WDR36: variants seen among roughly 807,000 people sequenced by gnomAD.
WDR36 encodes WD repeat-containing protein 36.
In WDR36, 63 loss-of-function variants were observed where a neutral mutation model predicts 112.7. That is an observed-to-expected ratio of 0.56 (90% CI 0.46 to 0.69). The LOEUF (loss-of-function observed/expected upper bound fraction) is 0.69, where lower values mean the gene tolerates loss of function less well. Among genes scored for constraint, WDR36 ranks in the 30% least tolerant of loss-of-function variants. WDR36 has a pLI of 0.00. For missense variants in WDR36, 1,226 were observed against 1,070.3 expected (o/e 1.15, Z -2.03); for synonymous variants, 410 against 362.2 (o/e 1.13, Z -1.50).
chr5:111,106,047 C>A lies in WDR36; in HGVS notation c.1094-10C>A. The A allele has an allele frequency of 7.5e-6, 12 of 1,598,250 alleles. No homozygotes were observed. Among genetic ancestry groups the A allele is most frequent in the Non-Finnish European group, 1.0e-5 (12 of 1,166,662 alleles). ...ATAGCTATGTATGTTCCCCTTTCCC[C>A]CATCCTTAGGATTAATAAATAAAAA... On this transcript the variant is annotated splice_polypyrimidine_tract_variant and intron_variant, in intron 10 of 22. Transcript: ENST00000513710.
At chr5:111,111,012 C>T (rs1428093280) in intron 14 of WDR36, 59 bp downstream of exon 14, 1 of 1,593,162 alleles carries the variant, frequency 6.3e-7, no homozygotes, top group African/African-American at 1.3e-5. Context: ...GTCATAAAGT[C>T]ACAATTTACC....
chr5:111,108,338 A>G (rs1473983698), intron 12 of WDR36, among the ~76,000 whole-genome samples: 1 of 151,222 alleles, frequency 6.6e-6, no homozygotes, highest in South Asian at 2.1e-4. Flanking sequence ...TTGATCTCAT[A>G]TCTTGCAACC....
At chr5:111,105,415 C>A in intron 10 of WDR36, 55 bp downstream of exon 10, 4 of 1,500,310 alleles carry the variant, frequency 2.7e-6, no homozygotes, top group Non-Finnish European at 3.7e-6. Context: ...TTTCAACATT[C>A]TATGAAACAA....
intron 17 of WDR36, among the ~76,000 whole-genome samples, chr5:111,119,718 A>G (rs1054366201): frequency 1.3e-5 from 2 of 152,132 alleles, no homozygotes; most frequent in African/African-American, 4.8e-5. Context: ...GATTTTTTAT[A>G]AAAGAATTAA....
intron 15 of WDR36, 41 bp downstream of exon 15, chr5:111,111,319 CT>C (rs755494826): frequency 6.5e-7 from 1 of 1,536,494 alleles, no homozygotes; most frequent in Non-Finnish European, 9.0e-7. Context: ...CTCATTTCTA[CT>C]TTTGTTTGGG....
chr5:111,113,648 G>C (rs1441591598), intron 16 of WDR36, among the ~76,000 whole-genome samples: 1 of 151,988 alleles, frequency 6.6e-6, no homozygotes, highest in Non-Finnish European at 1.5e-5. Flanking sequence ...ATTGAAACTT[G>C]GTTATTTCTA....
chr5:111,098,705 A>G lies in WDR36; in HGVS notation c.292-17A>G, dbSNP rs1238653471. Reference sequence around the variant, plus strand: ...CTGAGTAATAATATGAAATTCTTTTAAACTTCGATGTTTTAGATAGTACAT... The same window carrying G: ...CTGAGTAATAATATGAAATTCTTTTGAACTTCGATGTTTTAGATAGTACAT... On this transcript the variant is annotated splice_polypyrimidine_tract_variant and intron_variant, in intron 3 of 22. Coordinates refer to ENST00000513710, the MANE Select transcript of WDR36 (RefSeq NM_139281.3). 1 of 1,477,380 alleles carries G rather than the reference A, an allele frequency of 6.8e-7. No homozygotes were observed. The highest frequency in any genetic ancestry group is 9.5e-7 in the Non-Finnish European group (1 of 1,055,764). 91.5% of individuals were successfully genotyped at this position (1,477,380 alleles called of 1,614,324 possible).
intron 19 of WDR36, among the ~76,000 whole-genome samples, chr5:111,122,644 A>G (rs901824626): frequency 1.3e-5 from 2 of 152,096 alleles, no homozygotes; most frequent in African/African-American, 4.8e-5. Flanking sequence ...TGCTTACACT[A>G]CAGTTTGCGG....
chr5:111,094,847 T>G, intron 1 of WDR36, 73 bp from the exon 2 acceptor site: 1 of 1,246,426 alleles, frequency 8.0e-7, no homozygotes, highest in South Asian at 1.3e-5. Flanking sequence ...AGGTTATATC[T>G]TAATCTTCAG....
chr5:111,105,278 T>C lies in WDR36; in HGVS notation c.1028-17T>C, dbSNP rs1180011740. The C allele has an allele frequency of 6.2e-7, 1 of 1,608,232 alleles. No homozygotes were observed. The highest frequency in any genetic ancestry group is 8.5e-7 in the Non-Finnish European group (1 of 1,175,664). The stretch of plus-strand genomic sequence containing the variant: ...TTTAATGAAGCTTGATTAGGGATTT[T>C]CTGTGTATATCAACAGGTCAAGATG... On this transcript the variant is annotated splice_polypyrimidine_tract_variant and intron_variant, in intron 9 of 22. Transcript: ENST00000513710.
rs953060428 is a variant in WDR36 at position 111,092,734 on chromosome 5, C to G, written c.162+116C>G. ...TACCACGGGCTTCCCTTCTTTAACC[C>G]CTCCCTGTCCTATTAATATTTCGCC... On this transcript the variant is annotated intron_variant, in intron 1 of 22. Transcript: ENST00000513710. 11 of 1,209,518 alleles carry G rather than the reference C, an allele frequency of 9.1e-6. No homozygotes were observed. The East Asian group carries it at 2.5e-4, about 28-fold the overall frequency. The allele number at this position is 1,209,518 out of a possible 1,614,324, so 74.9% of individuals were successfully genotyped here. A position where few individuals can be genotyped will look rare whatever the true frequency, so the allele number is the denominator to read the frequency against.
chr5:111,104,050 A>T, intron 7 of WDR36, 127 bp from the exon 8 acceptor site: 1 of 1,388,316 alleles, frequency 7.2e-7, no homozygotes, highest in Non-Finnish European at 9.9e-7. Context: ...AGGCAAAGAA[A>T]TATGAATAGA....
At chr5:111,093,400 A>G (rs1472298251) in intron 1 of WDR36, among the ~76,000 whole-genome samples, 1 of 152,208 alleles carries the variant, frequency 6.6e-6, no homozygotes, top group East Asian at 1.9e-4. Flanking sequence ...GAAAACAGGT[A>G]GAGTTGTCTC....
At chr5:111,106,630 T>A (rs1753226264) in intron 11 of WDR36, among the ~76,000 whole-genome samples, 1 of 151,508 alleles carries the variant, frequency 6.6e-6, no homozygotes, top group South Asian at 2.1e-4. Flanking sequence ...CCATTTCTAT[T>A]TGAAAGTTGT....
At chr5:111,094,680 A>G (rs1356481491) in intron 1 of WDR36, among the ~76,000 whole-genome samples, 2 of 152,180 alleles carry the variant, frequency 1.3e-5, no homozygotes, top group African/African-American at 2.4e-5. Flanking sequence ...CAAAGCCTAA[A>G]ATATTTAATA....
At chr5:111,097,055 C>G (rs1285028092) in intron 2 of WDR36, 24 bp from the exon 3 acceptor site, 1 of 1,571,948 alleles carries the variant, frequency 6.4e-7, no homozygotes, top group Non-Finnish European at 8.8e-7. Flanking sequence ...ATCCCTGTTT[C>G]TTTCATTTTG....
intron 16 of WDR36, among the ~76,000 whole-genome samples, chr5:111,115,714 A>G (rs956658051): frequency 6.6e-6 from 1 of 152,232 alleles, no homozygotes; most frequent in African/African-American, 2.4e-5. Flanking sequence ...CCTTGAGTGT[A>G]TTAACATACA....
At position 111,105,291 on chromosome 5, in the gene WDR36, A is replaced by G. The variant is rs1416274014; in HGVS notation, c.1028-4A>G. On this transcript the variant is annotated splice_polypyrimidine_tract_variant and splice_region_variant and intron_variant, in intron 9 of 22. Coordinates refer to ENST00000513710, the MANE Select transcript of WDR36 (RefSeq NM_139281.3). ...GATTAGGGATTTTCTGTGTATATCA[A>G]CAGGTCAAGATGGAACTCTTCAGTC... is the stretch of plus-strand genomic sequence containing the variant. The G allele has an allele frequency of 6.2e-7, 1 of 1,609,712 alleles. No individual in the cohort carries two copies. Among genetic ancestry groups the G allele is most frequent in the Non-Finnish European group, 8.5e-7 (1 of 1,176,946 alleles).
chr5:111,093,838 T>G (rs908931081), intron 1 of WDR36, among the ~76,000 whole-genome samples: 1 of 152,224 alleles, frequency 6.6e-6, no homozygotes, highest in Non-Finnish European at 1.5e-5. Flanking sequence ...TTTATAAAGT[T>G]AACAATTTAC....
Sources: allele counts gnomAD v4.1 joint callset (sites outside exome capture counted in the v4.1 genomes callset), GRCh38; gene constraint gnomAD v4.1.1; transcripts MANE v1.5; gene names NCBI Gene and HGNC (gene_info 2026-07-23, HGNC 2026-07-21).